GRIA3: variants seen among roughly 807,000 people sequenced by gnomAD.
The protein encoded by GRIA3 is glutamate receptor 3.
Under a neutral mutation model 63.0 loss-of-function variants are expected in GRIA3, and 3 were observed. The observed-to-expected ratio is 0.05, with a 90% CI of 0.02 to 0.12. The LOEUF is 0.12. Among genes scored for constraint, GRIA3 ranks in the 10% least tolerant of loss-of-function variants. The probability of loss-of-function intolerance (pLI) is 1.00; values close to 1 mark genes in which losing one functional copy is unlikely to be tolerated. For missense variants in GRIA3, 347 were observed against 700.9 expected (o/e 0.50, Z 5.70); for synonymous variants, 274 against 257.9 (o/e 1.06, Z -0.60).
intron 2 of GRIA3, among the ~76,000 whole-genome samples, chrX:123,224,626 C>T (rs1191562941): frequency 4.5e-5 from 5 of 111,391 alleles, no homozygotes; most frequent in South Asian, 3.8e-4. Context: ...TATCCCATAA[C>T]ATTCAAGGTA....
intron 4 of GRIA3, among the ~76,000 whole-genome samples, chrX:123,331,146 C>A (rs1005724058): frequency 9.0e-6 from 1 of 111,130 alleles, no homozygotes; most frequent in African/African-American, 3.3e-5. Context: ...TCTAGTGGGG[C>A]CCAAACCAAT....
In GRIA3 at chrX:123,185,964, C is replaced by T. The variant is rs775856069; in HGVS notation, c.242C>T (p.Ser81Phe). ...LNYHVDHLDSSNSFSVTNAFC... is the reference protein window; with the variant it reads ...LNYHVDHLDSFNSFSVTNAFC... Reference sequence around the variant, plus strand: ...TACCACGTAGATCACTTGGATTCCTCCAATAGTTTTTCCGTGACAAATGCT... The same window carrying T: ...TACCACGTAGATCACTTGGATTCCTTCAATAGTTTTTCCGTGACAAATGCT... Residue 81 changes from serine to phenylalanine, a missense_variant, in exon 2 of 16, where the codon TCC becomes TTC. Ser to Phe is a radical substitution (Grantham distance 155). Around this residue, in one of 8 missense-constraint regions of GRIA3, gnomAD observed 29 missense variants for 69.4 expected, o/e 0.42. Coordinates refer to ENST00000620443, the MANE Select transcript of GRIA3 (RefSeq NM_007325.5). 8.3e-7 allele frequency: 1 copy of T among 1,208,122 alleles called. No individual in the cohort carries two copies. The highest frequency in any genetic ancestry group is 1.1e-6 in the Non-Finnish European group (1 of 892,713).
intron 3 of GRIA3, among the ~76,000 whole-genome samples, chrX:123,298,842 T>C (rs1256644391): frequency 6.3e-5 from 7 of 111,728 alleles, no homozygotes; most frequent in Non-Finnish European, 1.3e-4. Context: ...CCTGGTTGTC[T>C]TCCAGGGTTT....
intron 4 of GRIA3, among the ~76,000 whole-genome samples, chrX:123,343,466 C>T (rs1384495541): frequency 9.0e-6 from 1 of 111,328 alleles, no homozygotes; most frequent in Non-Finnish European, 1.9e-5. Context: ...TTTAAATAGG[C>T]CATCTTCTAC....
At chrX:123,438,035 A>G (rs886993567) in intron 12 of GRIA3, among the ~76,000 whole-genome samples, 3 of 112,192 alleles carry the variant, frequency 2.7e-5, no homozygotes, top group African/African-American at 9.7e-5. Flanking sequence ...ACCACTTTTA[A>G]GCACACAATT....
At chrX:123,344,501 C>T (rs185429345) in intron 4 of GRIA3, among the ~76,000 whole-genome samples, 3 of 111,717 alleles carry the variant, frequency 2.7e-5, no homozygotes, top group Non-Finnish European at 5.6e-5. Context: ...TGTCCATCAC[C>T]TCCAGAGGTC....
At position 123,184,628 on chromosome X, in the gene GRIA3, C is replaced by T. The variant is rs753023192; in HGVS notation, c.93C>T (p.Pro31=). The change falls in exon 1 of 16, where the codon CCC becomes CCT. Residue 31 remains proline, a synonymous_variant. Transcript: ENST00000620443. ...GLLGHSHGGF[P]NTISIGGLFM... ...TGGGTCATTCTCACGGAGGATTCCCCAACACCATCAGCATAGGTAAGCGCA... is the reference window on the plus strand; with the variant it reads ...TGGGTCATTCTCACGGAGGATTCCCTAACACCATCAGCATAGGTAAGCGCA... 8.4e-7 allele frequency: 1 copy of T among 1,191,242 alleles called. No individual in the cohort carries two copies. The highest frequency in any genetic ancestry group is 1.1e-6 in the Non-Finnish European group (1 of 877,720).
intron 13 of GRIA3, among the ~76,000 whole-genome samples, chrX:123,473,117 A>G (rs67159504): frequency 0.066 from 7,332 of 111,898 alleles, 202 homozygotes; most frequent in Non-Finnish European, 0.073. Context: ...ACATGCTCCC[A>G]CGTTGTACAG....
intron 3 of GRIA3, among the ~76,000 whole-genome samples, chrX:123,306,375 T>C (rs770183316): frequency 9.0e-6 from 1 of 111,371 alleles, no homozygotes; most frequent in South Asian, 3.8e-4. Flanking sequence ...AGGGAGGGAG[T>C]AAATTAACAT....
rs140657021 is a variant in GRIA3 at position 123,392,917 on chromosome X, T to G, written c.751-2051T>G. ...GTGAGAATGGAGAGTTGGGTAACAG[T>G]TAGGCTTAAACCCCAATGGTAGCCT... On this transcript the variant is annotated intron_variant, in intron 5 of 15. Coordinates refer to ENST00000620443, the MANE Select transcript of GRIA3 (RefSeq NM_007325.5). Among the ~76,000 whole-genome samples the G allele has an allele frequency of 5.5e-3, 618 of 111,861 alleles. 2 individuals carry two copies. Among genetic ancestry groups the G allele is most frequent in the African/African-American group, 0.019 (588 of 30,744 alleles).
At chrX:123,392,914 CAGTT>C (rs1168732255) in intron 5 of GRIA3, among the ~76,000 whole-genome samples, 2 of 111,663 alleles carry the variant, frequency 1.8e-5, no homozygotes, top group African/African-American at 6.5e-5. Context: ...AGTTGGGTAA[CAGTT>C]AGGCTTAAAC....
chrX:123,204,686 C>T, intron 2 of GRIA3: 1 of 1,023,481 alleles, frequency 9.8e-7, no homozygotes, highest in Admixed American at 4.0e-5. Flanking sequence ...TCCTCAAATC[C>T]TGTGTTCAGT....
At chrX:123,191,528 T>C (rs1927433895) in intron 2 of GRIA3, among the ~76,000 whole-genome samples, 2 of 111,267 alleles carry the variant, frequency 1.8e-5, no homozygotes, top group African/African-American at 6.5e-5. Context: ...TGGATAGAAA[T>C]TGTCTTCCTC....
At chrX:123,451,399 A>C (rs752783171) in intron 12 of GRIA3, among the ~76,000 whole-genome samples, 1 of 103,658 alleles carries the variant, frequency 9.6e-6, no homozygotes, top group South Asian at 4.7e-4. Context: ...CCAGTTACTC[A>C]AGAGGCTGAG....
rs752731444 is a variant in GRIA3, at chrX:123,294,038, CAA to C, written c.509-31986_509-31985del. Among the ~76,000 whole-genome samples the C allele has an allele frequency of 3.1e-3, 243 of 79,218 alleles. 3 individuals are homozygous for C. Among genetic ancestry groups the C allele is most frequent in the African/African-American group, 0.011 (234 of 21,306 alleles). The allele number at this position is 79,218 out of a possible 115,157, so 68.8% of individuals were successfully genotyped here. On this transcript the variant is annotated intron_variant, in intron 3 of 15. Coordinates refer to ENST00000620443, the MANE Select transcript of GRIA3 (RefSeq NM_007325.5). Reference sequence around the variant, plus strand: ...TAAGTCAGGTTTCTGTCCCTTGCAACAAAGAGTCCTTGCTAATAAAAAAAAAA... The same window carrying C: ...TAAGTCAGGTTTCTGTCCCTTGCAACAGAGTCCTTGCTAATAAAAAAAAAA...
chrX:123,461,322 C>T (rs1478808429), intron 12 of GRIA3, among the ~76,000 whole-genome samples: 1 of 112,163 alleles, frequency 8.9e-6, no homozygotes, highest in East Asian at 2.8e-4. Flanking sequence ...TCAACTCACC[C>T]TACTGCAATT....
chrX:123,480,902 C>T (rs2045909563), intron 14 of GRIA3, among the ~76,000 whole-genome samples: 1 of 111,472 alleles, frequency 9.0e-6, no homozygotes, highest in African/African-American at 3.3e-5. Flanking sequence ...CCTTCCTGCC[C>T]CCCTTCGCTC....
intron 10 of GRIA3, 67 bp from the exon 11 acceptor site, chrX:123,417,335 G>A (rs1603143795): frequency 5.3e-6 from 5 of 939,527 alleles, no homozygotes; most frequent in East Asian, 3.1e-5. Context: ...TATATTAAGC[G>A]ACAAATAACT....
At chrX:123,313,898 G>A (rs2044814493) in intron 3 of GRIA3, among the ~76,000 whole-genome samples, 1 of 111,382 alleles carries the variant, frequency 9.0e-6, no homozygotes, top group Non-Finnish European at 1.9e-5. Flanking sequence ...CAGCAGGGTG[G>A]GTGGTCATCT....
Sources: gnomAD v4.1 joint callset for allele counts (sites outside exome capture counted in the v4.1 genomes callset) on GRCh38, gnomAD v4.1.1 for gene constraint, gnomAD v4.1.1 regional missense constraint, MANE v1.5 for transcripts, NCBI Gene and HGNC (gene_info 2026-07-23, HGNC 2026-07-21) for gene names.